The following FAM167A variants were observed in gnomAD, a reference collection of about 807,000 sequenced individuals.
FAM167A encodes the protein protein FAM167A.
FAM167A carries 23 observed loss-of-function variants against 14.9 expected under a neutral mutation model. The ratio of observed to expected loss-of-function variants is 1.55; its 90% CI spans 1.11 to 2.19. The LOEUF (loss-of-function observed/expected upper bound fraction) is 2.19. FAM167A is among the 30% of genes most tolerant of loss of function. FAM167A has a pLI of 0.00. For synonymous variants in FAM167A, 174 were observed against 117.7 expected (o/e 1.48, Z -3.10); for missense variants, 401 against 281.5 (o/e 1.42, Z -3.04).
rs543281574 is a variant in FAM167A, at chr8:11,459,489, G to A, written c.-398+7137C>T. ...TTCTGTAAAATTGTTCTGGGCAGAA[G>A]AGGAAGAAGAGACCGAGCGCCTCGG... On this transcript the variant is annotated intron_variant, in intron 1 of 2. Coordinates refer to ENST00000284486, the MANE Select transcript of FAM167A (RefSeq NM_053279.3). Among the ~76,000 whole-genome samples, 9 of 152,356 alleles carry A rather than the reference G, an allele frequency of 5.9e-5. No individual in the cohort carries two copies. In the East Asian group the frequency reaches 1.7e-3, roughly 29 times the overall value.
intron 2 of FAM167A, among the ~76,000 whole-genome samples, chr8:11,443,368 A>C (rs1446142682): frequency 1.3e-5 from 2 of 152,178 alleles, no homozygotes; most frequent in African/African-American, 2.4e-5. Context: ...CAGCTCAAAC[A>C]CAATGTGCCT....
chr8:11,438,202 G>C (rs982640108), intron 2 of FAM167A: 5 of 449,736 alleles, frequency 1.1e-5, no homozygotes, highest in African/African-American at 1.0e-4. Flanking sequence ...GCCATGAGCT[G>C]CTATTCCGGT....
intron 2 of FAM167A, chr8:11,438,566 G>C (rs756724974): frequency 4.5e-6 from 2 of 444,724 alleles, no homozygotes; most frequent in Middle Eastern, 3.3e-4. Context: ...GATTATACAT[G>C]ATATATTCCT....
upstream of FAM167A, among the ~76,000 whole-genome samples, chr8:11,471,888 T>C (rs1230576269): frequency 6.6e-6 from 1 of 152,092 alleles, no homozygotes; most frequent in Non-Finnish European, 1.5e-5. Context: ...TGCTCCCCTG[T>C]CCAAGCTCTG....
chr8:11,446,241 C>T (rs1001317194), intron 1 of FAM167A, among the ~76,000 whole-genome samples: 4 of 152,182 alleles, frequency 2.6e-5, no homozygotes, highest in South Asian at 2.1e-4. Context: ...CCAGTCCAGA[C>T]GTTTTCCTCA....
chr8:11,475,549 C>A (rs149923593), intron 1 of FAM167A, among the ~76,000 whole-genome samples: 13 of 152,088 alleles, frequency 8.5e-5, no homozygotes, highest in Non-Finnish European at 1.3e-4. Flanking sequence ...CAGTTGAGAT[C>A]CAACCTTTTA....
intron 1 of FAM167A, among the ~76,000 whole-genome samples, chr8:11,454,478 C>T (rs974735763): frequency 2.0e-5 from 3 of 152,186 alleles, no homozygotes; most frequent in Non-Finnish European, 2.9e-5. Context: ...TGATTTCAAC[C>T]GGAGACAAAG....
chr8:11,425,668 A>AC (rs112675578), intron 2 of FAM167A, among the ~76,000 whole-genome samples: 30,529 of 151,050 alleles, frequency 0.2, 3,313 homozygotes, highest in Middle Eastern at 0.4. Context: ...GCTTTGTTAT[A>AC]CCCCCCCTTG....
chr8:11,438,470 T>C (rs1316355325), intron 2 of FAM167A: 1 of 457,420 alleles, frequency 2.2e-6, no homozygotes, highest in Non-Finnish European at 4.4e-6. Context: ...AGGTGAAGAA[T>C]GCATACCGAT....
At position 11,472,822 on chromosome 8, in the gene FAM167A, A is replaced by G. The variant is rs1360233974; in HGVS notation, c.-398+3044T>C. On this transcript the variant is annotated intron_variant, in intron 1 of 1. Coordinates refer to the FAM167A transcript ENST00000648766. Reference sequence around the variant, plus strand: ...TAGAACGAGTGGTTCCAGCTCTGCCATCCTCTGACCCCTGATTCCATGACA... The same window carrying G: ...TAGAACGAGTGGTTCCAGCTCTGCCGTCCTCTGACCCCTGATTCCATGACA... 3.3e-5 allele frequency among the ~76,000 whole-genome samples: 5 copies of G among 152,190 alleles called. No homozygotes were observed. The South Asian group carries it at 1.0e-3, about 31-fold the overall frequency.
At chr8:11,429,519 A>G (rs1805427301) in intron 2 of FAM167A, among the ~76,000 whole-genome samples, 1 of 152,216 alleles carries the variant, frequency 6.6e-6, no homozygotes, top group South Asian at 2.1e-4. Flanking sequence ...CACGTTTGAC[A>G]TAGATTGTTT....
intron 1 of FAM167A, among the ~76,000 whole-genome samples, chr8:11,461,627 C>G (rs942915927): frequency 6.6e-6 from 1 of 152,252 alleles, no homozygotes; most frequent in African/African-American, 2.4e-5. Context: ...TGTGCCCTCC[C>G]CTGTGGCTTC....
In FAM167A at chr8:11,422,373, G is replaced by GGGGTGTGTGTGTGTGT. The variant is rs878997464; in HGVS notation, c.*1999_*2000insACACACACACACACCC. The GGGGTGTGTGTGTGTGT allele has an allele frequency of 8.3e-6, 1 of 120,196 alleles. No individual in the cohort carries two copies. Among genetic ancestry groups the GGGGTGTGTGTGTGTGT allele is most frequent in the Non-Finnish European group, 1.8e-5 (1 of 55,330 alleles). The allele number at this position is 120,196 out of a possible 1,614,324, so 7.4% of individuals were successfully genotyped here. On this transcript the variant is annotated 3_prime_UTR_variant, in exon 3 of 3. Transcript: ENST00000284486. ...TCTCTGTCGTGTGTGTGTGTGTGGG[G>GGGGTGTGTGTGTGTGT]GTGTGTGTGTGTGTGTGTGTGTGTG...
upstream of FAM167A, among the ~76,000 whole-genome samples, chr8:11,470,313 G>A (rs12682340): frequency 2.6e-5 from 4 of 152,174 alleles, no homozygotes; most frequent in African/African-American, 2.4e-5. Flanking sequence ...GTGGTGTCTT[G>A]GGGAAGGGTG....
chr8:11,426,942 C>A (rs1039975938), intron 2 of FAM167A, among the ~76,000 whole-genome samples: 2 of 152,156 alleles, frequency 1.3e-5, no homozygotes, highest in African/African-American at 4.8e-5. Context: ...TGTCCTTTGT[C>A]CCGCACCTGA....
At chr8:11,441,922 C>A (rs745505305) in intron 2 of FAM167A, among the ~76,000 whole-genome samples, 29 of 152,152 alleles carry the variant, frequency 1.9e-4, no homozygotes, top group Non-Finnish European at 2.9e-4. Context: ...GGTCATCCGA[C>A]AATTAGAAGA....
intron 1 of FAM167A, among the ~76,000 whole-genome samples, chr8:11,462,885 G>A (rs948893172): frequency 6.6e-6 from 1 of 152,158 alleles, no homozygotes; most frequent in African/African-American, 2.4e-5. Flanking sequence ...TATTAGAAAT[G>A]CGTTCTCATT....
chr8:11,466,803 A>T (rs1015650586), upstream of FAM167A: 9 of 151,848 alleles, frequency 5.9e-5, no homozygotes, highest in Admixed American at 4.6e-4. Context: ...GCGTTGCGTC[A>T]GGGCGGTTGC....
intron 1 of FAM167A, chr8:11,474,666 A>T (rs915773716): frequency 6.6e-6 from 1 of 152,134 alleles, no homozygotes; most frequent in South Asian, 2.1e-4. Context: ...ATGAACACAC[A>T]GAGAAATCAC....
Sources: allele counts gnomAD v4.1 joint callset (sites outside exome capture counted in the v4.1 genomes callset), GRCh38; gene constraint gnomAD v4.1.1; transcripts MANE v1.5; gene names NCBI Gene and HGNC (gene_info 2026-07-23, HGNC 2026-07-21).